VIRMA: variants seen among roughly 807,000 people sequenced by gnomAD.
The protein encoded by VIRMA is protein virilizer homolog.
VIRMA carries 65 observed loss-of-function variants against 182.4 expected under a neutral mutation model. The ratio of observed to expected loss-of-function variants is 0.36; its 90% confidence interval spans 0.29 to 0.44. The LOEUF is 0.44. Ranked by LOEUF, VIRMA falls within the 20% of genes least tolerant of loss-of-function variation. The pLI, the probability that VIRMA is intolerant of heterozygous loss-of-function variation, is 1.00. For missense variants in VIRMA, 1,752 were observed against 2,158.1 expected (o/e 0.81, Z 3.73); for synonymous variants, 709 against 743.1 (o/e 0.95, Z 0.75).
intron 8 of VIRMA, among the ~76,000 whole-genome samples, chr8:94,525,136 G>C (rs919257534): frequency 6.6e-5 from 10 of 152,314 alleles, no homozygotes; most frequent in African/African-American, 2.4e-4. Flanking sequence ...ATTAAAGGGT[G>C]CTCGGACCAC....
intron 5 of VIRMA, 94 bp downstream of exon 5, chr8:94,534,738 TAAAACAA>T: frequency 7.5e-7 from 1 of 1,341,582 alleles, no homozygotes; most frequent in Non-Finnish European, 1.0e-6. Context: ...TCTCAAGAAA[TAAAACAA>T]AAACAAAAGG....
chr8:94,496,605 G>T, intron 17 of VIRMA, 125 bp from the exon 18 acceptor site: 1 of 679,510 alleles, frequency 1.5e-6, no homozygotes. Context: ...TTTTACATCA[G>T]TACAAATGGC....
rs905895130 is a variant in VIRMA at position 94,492,765 on chromosome 8, C to A, written c.4695G>T (p.Leu1565Phe). The change falls in exon 21 of 24, where the codon TTG (leucine) becomes TTT (phenylalanine). Residue 1565 changes from leucine to phenylalanine, a missense_variant. Transcript: ENST00000297591. The part of the protein sequence containing the change: ...LSEKCCSDFD[L>F]HSELERSFLS... Reference sequence around the variant, plus strand: ...AAAATGAGCGCTCTAATTCTGAGTGCAAATCAAAGTCACTACAGCATTTTT... The same window carrying A: ...AAAATGAGCGCTCTAATTCTGAGTGAAAATCAAAGTCACTACAGCATTTTT... 6.2e-7 allele frequency: 1 copy of A among 1,613,690 alleles called. No individual in the cohort carries two copies. Among genetic ancestry groups the A allele is most frequent in the Admixed American group, 1.7e-5 (1 of 59,980 alleles).
At chr8:94,493,728 C>A (rs935047689) in intron 20 of VIRMA, among the ~76,000 whole-genome samples, 2 of 152,162 alleles carry the variant, frequency 1.3e-5, no homozygotes, top group African/African-American at 4.8e-5. Context: ...GCCCTCAACA[C>A]ACTAAATACA....
chr8:94,537,596 ATAATT>A (rs1050201185), intron 3 of VIRMA, among the ~76,000 whole-genome samples: 4 of 152,212 alleles, frequency 2.6e-5, no homozygotes, highest in Non-Finnish European at 4.4e-5. Context: ...AATTATTGAC[ATAATT>A]TAATAATAAA....
intron 17 of VIRMA, chr8:94,498,188 T>A (rs1813856970): frequency 6.6e-6 from 1 of 152,226 alleles, no homozygotes; most frequent in South Asian, 2.1e-4. Context: ...GGCAGGCATA[T>A]TAATGGCTTC....
rs1814383236 is a variant in VIRMA, at chr8:94,511,734, A to T, written c.2846-5T>A. On this transcript the variant is annotated splice_polypyrimidine_tract_variant and splice_region_variant and intron_variant, in intron 12 of 23. Transcript: ENST00000297591. ...ATTTCAGATCTTTCTGTTGACCTTTATATAGGATAAGAAAAAGAAACAAAA... is the reference window on the plus strand; with the variant it reads ...ATTTCAGATCTTTCTGTTGACCTTTTTATAGGATAAGAAAAAGAAACAAAA... The T allele has an allele frequency of 6.2e-7, 1 of 1,602,918 alleles. No individual in the cohort carries two copies. Among genetic ancestry groups the T allele is most frequent in the Admixed American group, 1.7e-5 (1 of 58,426 alleles).
At chr8:94,538,758 C>G (rs781376446) in intron 2 of VIRMA, among the ~76,000 whole-genome samples, 2 of 152,008 alleles carry the variant, frequency 1.3e-5, no homozygotes, top group Admixed American at 1.3e-4. Context: ...ATTACAGGCA[C>G]GCACCACCAT....
intron 8 of VIRMA, among the ~76,000 whole-genome samples, chr8:94,524,543 G>T (rs1212085918): frequency 6.6e-6 from 1 of 152,006 alleles, no homozygotes; most frequent in African/African-American, 2.4e-5. Context: ...GAACTCAGAT[G>T]ATCTGCCTAC....
chr8:94,531,196 A>G, intron 5 of VIRMA, 111 bp from the exon 6 acceptor site: 1 of 1,185,242 alleles, frequency 8.4e-7, no homozygotes, highest in Non-Finnish European at 1.1e-6. Context: ...TAAAGCAAAG[A>G]GAGATCTAAA....
At chr8:94,496,026 A>G (rs1813762275) in intron 18 of VIRMA, 135 bp from the exon 19 acceptor site, 9 of 725,404 alleles carry the variant, frequency 1.2e-5, no homozygotes, top group Non-Finnish European at 1.7e-5. Flanking sequence ...TATTAACATT[A>G]AACACATTAA....
At chr8:94,505,305 T>C (rs538244931) in intron 16 of VIRMA, among the ~76,000 whole-genome samples, 11 of 152,268 alleles carry the variant, frequency 7.2e-5, no homozygotes, top group Admixed American at 5.2e-4. Flanking sequence ...CAAAAGTATG[T>C]TTCCTCCTCC....
At chr8:94,545,303 CA>C (rs1815722680) in intron 1 of VIRMA, among the ~76,000 whole-genome samples, 1 of 152,132 alleles carries the variant, frequency 6.6e-6, no homozygotes, top group Admixed American at 6.5e-5. Flanking sequence ...CCTATTACTT[CA>C]GTCAACTGTT....
intron 7 of VIRMA, among the ~76,000 whole-genome samples, chr8:94,527,699 A>G (rs1039881380): frequency 1.3e-5 from 2 of 152,238 alleles, no homozygotes; most frequent in Non-Finnish European, 2.9e-5. Flanking sequence ...TAACAAAAAT[A>G]TCTATCTCAG....
In VIRMA at chr8:94,530,868, T is replaced by G; in HGVS notation, c.607+95A>C. The G allele has an allele frequency of 2.9e-6, 4 of 1,391,322 alleles. No individual in the cohort carries two copies. The East Asian group carries it at 1.0e-4, about 35-fold the overall frequency. The allele number at this position is 1,391,322 out of a possible 1,614,324, so 86.2% of individuals were successfully genotyped here. On this transcript the variant is annotated intron_variant, in intron 6 of 23. Transcript: ENST00000297591. ...TCAAGACTGCAGTGAGCCACTGTAC[T>G]CCACCCTGGGCAACAGAGTGAGACC...
Position 94,509,138 on chromosome 8 carries a change from C to G in VIRMA, c.3879+550G>C, listed in dbSNP as rs560391689. The stretch of plus-strand genomic sequence containing the variant: ...TGGTGTAGCCAGGCATGGTGGCTCT[C>G]GTCTGTAATCCCAGCACTTTGGGAG... On this transcript the variant is annotated intron_variant, in intron 15 of 23. Coordinates refer to ENST00000297591, the MANE Select transcript of VIRMA (RefSeq NM_015496.5). Among the ~76,000 whole-genome samples, 9 of 152,208 alleles carry G rather than the reference C, an allele frequency of 5.9e-5. No individual in the cohort carries two copies. The East Asian group carries it at 1.7e-3, about 29-fold the overall frequency.
intron 7 of VIRMA, among the ~76,000 whole-genome samples, chr8:94,528,231 CAAAAAAAAA>C (rs11368037): frequency 1.1e-5 from 1 of 91,828 alleles, no homozygotes; most frequent in South Asian, 3.6e-4. Flanking sequence ...GACTTTGTCT[CAAAAAAAAA>C]AAAAAAAAAA....
chr8:94,528,609 G>A (rs367559078), intron 7 of VIRMA, among the ~76,000 whole-genome samples: 5 of 152,186 alleles, frequency 3.3e-5, no homozygotes, highest in African/African-American at 1.2e-4. Flanking sequence ...ATGTACTTGT[G>A]TAATTGAGAT....
intron 18 of VIRMA, chr8:94,496,092 G>C: frequency 3.3e-6 from 2 of 613,266 alleles, no homozygotes; most frequent in Non-Finnish European, 5.4e-6. Flanking sequence ...AGCAGCAGAG[G>C]GTACCCTGCT....
Sources: gnomAD v4.1 joint callset for allele counts (sites outside exome capture counted in the v4.1 genomes callset) on GRCh38, gnomAD v4.1.1 for gene constraint, MANE v1.5 for transcripts, NCBI Gene and HGNC (gene_info 2026-07-23, HGNC 2026-07-21) for gene names.